The following DPP4 variants were observed in gnomAD, a reference collection of about 807,000 sequenced individuals.
DPP4 encodes dipeptidyl peptidase 4.
A neutral mutation model predicts 122.4 loss-of-function variants in DPP4; 93 were observed. That is an observed-to-expected ratio of 0.76 (90% CI 0.64 to 0.90). DPP4 has a LOEUF of 0.90. Ranked by LOEUF, DPP4 falls within the 40% of genes least tolerant of loss-of-function variation. The pLI is 0.00. For missense variants in DPP4, 914 were observed against 907.3 expected, an observed-to-expected ratio of 1.01 and a Z score of -0.09; for synonymous variants, 321 against 302.9, an observed-to-expected ratio of 1.06 and a Z score of -0.62.
intron 23 of DPP4, among the ~76,000 whole-genome samples, chr2:162,005,148 C>T (rs553127314): frequency 6.6e-6 from 1 of 152,304 alleles, no homozygotes; most frequent in South Asian, 2.1e-4. Flanking sequence ...TGCACCCACA[C>T]CATATTTTAA....
chr2:162,035,198 T>G lies in DPP4; in HGVS notation c.740A>C (p.Gln247Pro), dbSNP rs201266487. ...EYSFYSDESL[Q>P]YPKTVRVPYP... Reference sequence around the variant, plus strand: ...TGGAACCCGTACAGTCTTTGGGTACTGCAGTGACTCATCAGAGTAGAAGGA... The same window carrying G: ...TGGAACCCGTACAGTCTTTGGGTACGGCAGTGACTCATCAGAGTAGAAGGA... The change falls in exon 9 of 26, where the codon CAG (glutamine) becomes CCG (proline). Residue 247 changes from glutamine to proline, a missense_variant. Transcript: ENST00000360534. 132 of 1,613,946 alleles carry G rather than the reference T, an allele frequency of 8.2e-5. 1 individual carries two copies. In the South Asian group the frequency reaches 1.3e-3, roughly 16 times the overall value.
At chr2:161,995,120 G>A in intron 24 of DPP4, 86 bp from the exon 25 acceptor site, 1 of 1,477,206 alleles carries the variant, frequency 6.8e-7, no homozygotes, top group African/African-American at 1.4e-5. Context: ...CAAGAAGAAA[G>A]GGACTGTTTG....
chr2:162,024,852 CA>C lies in DPP4; in HGVS notation c.974del (p.Met325ArgfsTer16). ...TGGATTCATCATAGTCACAAATATCCATGACCGAATAGTTCTGAATCCTCCT... is the reference window on the plus strand; with the variant it reads ...TGGATTCATCATAGTCACAAATATCCTGACCGAATAGTTCTGAATCCTCCT... ...WLRRIQNYSV[M>X]DICDYDESSG... On this transcript the variant is annotated frameshift_variant, in exon 11 of 26. Coordinates refer to ENST00000360534, the MANE Select transcript of DPP4 (RefSeq NM_001935.4). LOFTEE classifies it high-confidence loss of function. The C allele has an allele frequency of 6.2e-7, 1 of 1,613,946 alleles. No homozygotes were observed. The highest frequency in any genetic ancestry group is 8.5e-7 in the Non-Finnish European group (1 of 1,180,024).
At position 162,038,971 on chromosome 2, in the gene DPP4, C is replaced by A; in HGVS notation, c.470G>T (p.Trp157Leu). ...AACCAATTTATGACCCACTGGTGACCATGTGACCCACTGTGTGTTGTTTGG... is the reference window on the plus strand; with the variant it reads ...AACCAATTTATGACCCACTGGTGACAATGTGACCCACTGTGTGTTGTTTGG... ...RIPNNTQWVT[W>L]SPVGHKLAYV... Residue 157 changes from tryptophan to leucine, a missense_variant, in exon 7 of 26, where the codon TGG (tryptophan) becomes TTG (leucine). Physicochemically the swap from Trp to Leu is moderately conservative, Grantham distance 61 (BLOSUM62 -2). Transcript: ENST00000360534. 1 of 1,613,440 alleles carries A rather than the reference C, an allele frequency of 6.2e-7. No homozygotes were observed. The highest frequency in any genetic ancestry group is 8.5e-7 in the Non-Finnish European group (1 of 1,179,498).
chr2:162,023,296 G>C (rs1199442342), intron 11 of DPP4, among the ~76,000 whole-genome samples: 1 of 152,096 alleles, frequency 6.6e-6, no homozygotes, highest in Non-Finnish European at 1.5e-5. Context: ...TCTCCTTGTT[G>C]GAGATCCTGC....
At chr2:162,063,633 T>A (rs1234683397) in intron 2 of DPP4, among the ~76,000 whole-genome samples, 1 of 151,706 alleles carries the variant, frequency 6.6e-6, no homozygotes, top group Non-Finnish European at 1.5e-5. Context: ...CAACTCCCAA[T>A]CTGCAACACA....
intron 13 of DPP4, 21 bp from the exon 14 acceptor site, chr2:162,020,317 T>TTTTTTTTA: frequency 7.3e-7 from 1 of 1,374,572 alleles, no homozygotes; most frequent in Admixed American, 2.3e-5. Context: ...TTTTTTTTTT[T>TTTTTTTTA]CAAAAAAAAA....
At chr2:162,051,488 A>G (rs145524142) in intron 2 of DPP4, among the ~76,000 whole-genome samples, 1 of 152,358 alleles carries the variant, frequency 6.6e-6, no homozygotes, top group African/African-American at 2.4e-5. Context: ...ATACATCTCA[A>G]AAGAAATGTG....
chr2:162,034,936 C>T (rs1359343369), intron 9 of DPP4, among the ~76,000 whole-genome samples: 2 of 152,100 alleles, frequency 1.3e-5, no homozygotes, highest in African/African-American at 4.8e-5. Context: ...ATTTTTTCTG[C>T]TTGTCATTCC....
chr2:162,005,243 G>A (rs1010303597), intron 23 of DPP4, among the ~76,000 whole-genome samples: 2 of 152,078 alleles, frequency 1.3e-5, no homozygotes, highest in Non-Finnish European at 2.9e-5. Flanking sequence ...AGTGATTTAG[G>A]TTTAGGGCTT....
chr2:161,998,747 T>TA (rs1701068338), intron 23 of DPP4, among the ~76,000 whole-genome samples: 1 of 151,908 alleles, frequency 6.6e-6, no homozygotes, highest in African/African-American at 2.4e-5. Flanking sequence ...TATAAACAAG[T>TA]AAAACCCTGA....
intron 10 of DPP4, among the ~76,000 whole-genome samples, chr2:162,032,987 C>T (rs1020538481): frequency 1.3e-5 from 2 of 152,144 alleles, no homozygotes; most frequent in Non-Finnish European, 2.9e-5. Context: ...CTTGTCCCTT[C>T]CACTCTCTTC....
chr2:162,002,422 C>T (rs1159165041), intron 23 of DPP4, among the ~76,000 whole-genome samples: 1 of 152,094 alleles, frequency 6.6e-6, no homozygotes, highest in Non-Finnish European at 1.5e-5. Context: ...TGTAAATAGC[C>T]ACGTATCAGT....
chr2:162,057,931 C>T (rs1278921136), intron 2 of DPP4, among the ~76,000 whole-genome samples: 1 of 152,126 alleles, frequency 6.6e-6, no homozygotes, highest in Admixed American at 6.5e-5. Flanking sequence ...TGCCACCACA[C>T]CCAGCTAATT....
chr2:162,073,559 G>A lies in DPP4; in HGVS notation c.7-73C>T, dbSNP rs1332498225. 4 of 1,460,066 alleles carry A rather than the reference G, an allele frequency of 2.7e-6. 1 individual carries two copies. In the South Asian group the frequency reaches 4.6e-5, roughly 17 times the overall value. 90.4% of individuals were successfully genotyped at this position (1,460,066 alleles called of 1,614,324 possible). A position where few individuals can be genotyped will look rare whatever the true frequency, so the allele number is the denominator to read the frequency against. Reference sequence around the variant, plus strand: ...CAGTTTCCGTAGGAGGGTCGGGGCTGCTCCAGAGGCAGCAGGATTTGCAGG... The same window carrying A: ...CAGTTTCCGTAGGAGGGTCGGGGCTACTCCAGAGGCAGCAGGATTTGCAGG... On this transcript the variant is annotated intron_variant, in intron 1 of 25. Transcript: ENST00000360534.
rs1683858766 is a variant in DPP4, at chr2:162,038,323, T to C, written c.592A>G (p.Ile198Val). 6.3e-6 allele frequency: 10 copies of C among 1,593,784 alleles called. No homozygotes were observed. Among genetic ancestry groups the C allele is most frequent in the Non-Finnish European group, 8.5e-6 (10 of 1,172,150 alleles). ...TGKEDIIYNG[I>V]TDWVYEEEVF... ...CTACCTTCATAAACCCAGTCAGTTA[T>C]TCCATTATATATTATATCTTCTTTC... The change falls in exon 8 of 26, where the codon ATA becomes GTA. Residue 198 changes from isoleucine (I) to valine (V), a missense_variant. Transcript: ENST00000360534.
intron 17 of DPP4, 103 bp downstream of exon 17, chr2:162,017,005 T>G: frequency 1.4e-6 from 2 of 1,442,486 alleles, no homozygotes; most frequent in Non-Finnish European, 1.9e-6. Flanking sequence ...CAACTCATTG[T>G]CAAGACACAA....
At chr2:162,036,136 A>G (rs1478388991) in intron 8 of DPP4, among the ~76,000 whole-genome samples, 1 of 152,134 alleles carries the variant, frequency 6.6e-6, no homozygotes, top group African/African-American at 2.4e-5. Flanking sequence ...CCGGGAATGG[A>G]GGAATTAAGT....
chr2:162,073,654 G>T, intron 1 of DPP4, 168 bp from the exon 2 acceptor site: 1 of 700,690 alleles, frequency 1.4e-6, no homozygotes. Context: ...GCCAGTTGGA[G>T]TTCTCTAAGG....
Sources: gnomAD v4.1 joint callset for allele counts (sites outside exome capture counted in the v4.1 genomes callset) on GRCh38, gnomAD v4.1.1 for gene constraint, MANE v1.5 for transcripts, NCBI Gene and HGNC (gene_info 2026-07-23, HGNC 2026-07-21) for gene names.